Variants in NRXN3 observed in about 807,000 individuals in gnomAD.
NRXN3 encodes the protein neurexin 3.
Under a neutral mutation model 137.6 loss-of-function variants are expected in NRXN3, and 32 were observed. The observed-to-expected ratio is 0.23, with a 90% CI of 0.18 to 0.31. The LOEUF is 0.31. Among genes scored for constraint, NRXN3 ranks in the 10% least tolerant of loss-of-function variants. The pLI is 1.00. For synonymous variants in NRXN3, 798 were observed against 784.5 expected (o/e 1.02, Z -0.29); for missense variants, 1,574 against 2,062.5 (o/e 0.76, Z 4.59).
At chr14:79,464,932 A>G (rs1409242321) in intron 15 of NRXN3, among the ~76,000 whole-genome samples, 1 of 152,222 alleles carries the variant, frequency 6.6e-6, no homozygotes, top group Non-Finnish European at 1.5e-5. Context: ...AGCAGCATGT[A>G]TATGCTGCTA....
intron 4 of NRXN3, among the ~76,000 whole-genome samples, chr14:78,333,908 G>A (rs2153573424): frequency 6.6e-6 from 1 of 152,276 alleles, no homozygotes; most frequent in Admixed American, 6.5e-5. Flanking sequence ...GAGAGATTGA[G>A]GAGGTGGGTG....
At chr14:78,317,288 A>G (rs1567241853) in intron 4 of NRXN3, among the ~76,000 whole-genome samples, 1 of 152,122 alleles carries the variant, frequency 6.6e-6, no homozygotes, top group Non-Finnish European at 1.5e-5. Flanking sequence ...GTGGTTCATG[A>G]CCTGTTGGGA....
intron 15 of NRXN3, among the ~76,000 whole-genome samples, chr14:79,005,725 G>A (rs1337877400): frequency 6.6e-6 from 1 of 151,972 alleles, no homozygotes; most frequent in Non-Finnish European, 1.5e-5. Flanking sequence ...AATGGGCCTT[G>A]TACTGAATAT....
intron 1 of NRXN3, among the ~76,000 whole-genome samples, chr14:78,173,630 C>G (rs1296586012): frequency 6.9e-6 from 1 of 145,890 alleles, no homozygotes; most frequent in South Asian, 2.3e-4. Context: ...CGCACCCCCC[C>G]TTCCTCCAGC....
intron 3 of NRXN3, among the ~76,000 whole-genome samples, chr14:78,287,751 A>G (rs948070411): frequency 6.6e-6 from 1 of 151,230 alleles, no homozygotes; most frequent in East Asian, 1.9e-4. Context: ...GTGTTTGAAG[A>G]CAGGGCTTTT....
intron 16 of NRXN3, among the ~76,000 whole-genome samples, chr14:79,476,822 G>A (rs1407994874): frequency 2.0e-5 from 3 of 152,048 alleles, no homozygotes; most frequent in Admixed American, 2.0e-4. Flanking sequence ...AGAAGCTAAA[G>A]CATTTTCCCA....
At chr14:79,301,591 C>A (rs1007658343) in intron 15 of NRXN3, among the ~76,000 whole-genome samples, 1 of 152,014 alleles carries the variant, frequency 6.6e-6, no homozygotes, top group Non-Finnish European at 1.5e-5. Flanking sequence ...TTTCTATTAG[C>A]TGCAAATCAA....
intron 15 of NRXN3, among the ~76,000 whole-genome samples, chr14:79,455,460 A>T (rs1423643893): frequency 1.3e-5 from 2 of 152,142 alleles, no homozygotes; most frequent in Non-Finnish European, 1.5e-5. Flanking sequence ...CTTATCTTAA[A>T]AGTTATGTTG....
At chr14:79,402,495 G>C (rs2095228508) in intron 15 of NRXN3, among the ~76,000 whole-genome samples, 1 of 152,136 alleles carries the variant, frequency 6.6e-6, no homozygotes, top group Non-Finnish European at 1.5e-5. Flanking sequence ...CTTTGAGAGT[G>C]GTTAGAGTTA....
intron 8 of NRXN3, among the ~76,000 whole-genome samples, chr14:78,750,741 C>A (rs1021956239): frequency 2.0e-5 from 3 of 151,798 alleles, no homozygotes; most frequent in Non-Finnish European, 4.4e-5. Context: ...TAGGCAAAAA[C>A]CCCCAAACAA....
chr14:78,337,684 G>A (rs35367079), intron 4 of NRXN3, among the ~76,000 whole-genome samples: 10,715 of 152,116 alleles, frequency 0.07, 513 homozygotes, highest in East Asian at 0.26. Context: ...AGCACTGAAG[G>A]TCTAAATGAA....
At chr14:78,697,101 T>G (rs1305402392) in intron 6 of NRXN3, among the ~76,000 whole-genome samples, 1 of 152,100 alleles carries the variant, frequency 6.6e-6, no homozygotes, top group African/African-American at 2.4e-5. Context: ...GAAATTAAAA[T>G]TATTTATCAC....
chr14:79,224,258 G>C (rs2070389936), intron 15 of NRXN3, among the ~76,000 whole-genome samples: 1 of 152,136 alleles, frequency 6.6e-6, no homozygotes, highest in Non-Finnish European at 1.5e-5. Context: ...TAACTGTGCT[G>C]TTTTGGACAA....
chr14:79,008,882 C>T (rs2099563253), intron 15 of NRXN3, among the ~76,000 whole-genome samples: 1 of 152,118 alleles, frequency 6.6e-6, no homozygotes, highest in Non-Finnish European at 1.5e-5. Flanking sequence ...TGGTCTTGAA[C>T]TCCTGACCTC....
chr14:79,064,739 G>GTGTA (rs67417652), intron 15 of NRXN3, among the ~76,000 whole-genome samples: 20,556 of 140,512 alleles, frequency 0.15, 1,787 homozygotes, highest in Admixed American at 0.31. Flanking sequence ...ATATGTATAT[G>GTGTA]TATATATATA....
chr14:79,400,510 T>A (rs753767276), intron 15 of NRXN3, among the ~76,000 whole-genome samples: 3 of 152,202 alleles, frequency 2.0e-5, no homozygotes, highest in Non-Finnish European at 2.9e-5. Flanking sequence ...TACATGAGAC[T>A]TATAAGCTAG....
intron 15 of NRXN3, among the ~76,000 whole-genome samples, chr14:79,298,147 T>A (rs2084511452): frequency 6.6e-6 from 1 of 152,114 alleles, no homozygotes; most frequent in Non-Finnish European, 1.5e-5. Flanking sequence ...GTATTACGCA[T>A]AACAAATCTG....
chr14:79,375,767 T>C (rs1269358754), intron 15 of NRXN3, among the ~76,000 whole-genome samples: 1 of 152,016 alleles, frequency 6.6e-6, no homozygotes, highest in Non-Finnish European at 1.5e-5. Context: ...GTTTAATAAA[T>C]GGTTTGTATG....
At chr14:78,386,980 C>T (rs2090063374) in intron 4 of NRXN3, among the ~76,000 whole-genome samples, 1 of 151,986 alleles carries the variant, frequency 6.6e-6, no homozygotes, top group Admixed American at 6.6e-5. Flanking sequence ...CGGGGTTTCA[C>T]CATGTTGGTC....
Sources: gnomAD v4.1 joint callset for allele counts (sites outside exome capture counted in the v4.1 genomes callset) on GRCh38, gnomAD v4.1.1 for gene constraint, MANE v1.5 for transcripts, NCBI Gene and HGNC (gene_info 2026-07-23, HGNC 2026-07-21) for gene names.